The following ARF1 variants were observed in gnomAD, a reference collection of about 807,000 sequenced individuals.
The protein encoded by ARF1 is ARF GTPase 1, also known as ADP-ribosylation factor 1.
In ARF1, 1 loss-of-function variant was observed where a neutral mutation model predicts 18.0. The observed-to-expected ratio is 0.06, with a 90% CI of 0.02 to 0.26. The LOEUF (loss-of-function observed/expected upper bound fraction) is 0.26, where lower values mean the gene tolerates loss of function less well. Among genes scored for constraint, ARF1 ranks in the 10% least tolerant of loss-of-function variants. The pLI is 1.00. For synonymous variants in ARF1, 112 were observed against 96.3 expected (o/e 1.16, Z -0.95); for missense variants, 73 against 247.2 (o/e 0.30, Z 4.73).
intron 1 of ARF1, among the ~76,000 whole-genome samples, chr1:228,094,744 G>A (rs944891139): frequency 1.3e-5 from 2 of 152,188 alleles, no homozygotes; most frequent in Non-Finnish European, 2.9e-5. Flanking sequence ...CAGTTTGGGA[G>A]TTATTTTCAT....
At chr1:228,087,028 G>T (rs535223325) in intron 1 of ARF1, among the ~76,000 whole-genome samples, 14 of 152,318 alleles carry the variant, frequency 9.2e-5, no homozygotes, top group South Asian at 4.1e-4. Flanking sequence ...ATAAGAGTGT[G>T]TGAGAAACTG....
chr1:228,085,570 G>A (rs762236963), intron 1 of ARF1, among the ~76,000 whole-genome samples: 2 of 152,204 alleles, frequency 1.3e-5, no homozygotes, highest in Admixed American at 6.5e-5. Context: ...CTCACACAGT[G>A]GTAACAAGGG....
At chr1:228,084,138 G>C (rs756289880) in intron 1 of ARF1, among the ~76,000 whole-genome samples, 1 of 152,214 alleles carries the variant, frequency 6.6e-6, no homozygotes, top group Non-Finnish European at 1.5e-5. Context: ...TGTTGCGTTA[G>C]CCATTGTCTA....
chr1:228,093,721 G>A (rs777861453), intron 1 of ARF1, among the ~76,000 whole-genome samples: 4 of 151,706 alleles, frequency 2.6e-5, no homozygotes, highest in Non-Finnish European at 5.9e-5. Context: ...TCAGGGGTTC[G>A]AGGCCAGCCC....
rs148364166 is a variant in ARF1, at chr1:228,091,505, T to A, written c.-37-5573T>A. Among the ~76,000 whole-genome samples, 910 of 151,968 alleles carry A rather than the reference T, an allele frequency of 6.0e-3. 11 individuals carry two copies. The highest frequency in any genetic ancestry group is 0.021 in the African/African-American group (880 of 41,414). The stretch of plus-strand genomic sequence containing the variant: ...CTTCAGATGCAGCCCAGAATAAGAG[T>A]TCTAGAATGTGTGTGCCATCCTTTT... On this transcript the variant is annotated intron_variant, in intron 1 of 4. Transcript: ENST00000272102.
chr1:228,096,588 TGGC>T (rs1196256297), intron 1 of ARF1: 1 of 153,360 alleles, frequency 6.5e-6, no homozygotes, highest in Non-Finnish European at 1.5e-5. Context: ...GGGGCAGACA[TGGC>T]GGGCGTGCCC....
At position 228,091,873 on chromosome 1, in the gene ARF1, A is replaced by G. The variant is rs533984626; in HGVS notation, c.-37-5205A>G. ...CTTGTGCAGGTGAGAATAAATGGCC[A>G]TATTGCATTTCATTTTAAGGACTCC... On this transcript the variant is annotated intron_variant, in intron 1 of 4. Coordinates refer to ENST00000272102, the MANE Select transcript of ARF1 (RefSeq NM_001658.4). Among the ~76,000 whole-genome samples the G allele has an allele frequency of 3.9e-5, 6 of 152,288 alleles. No individual in the cohort carries two copies. The East Asian group carries it at 9.6e-4, about 24-fold the overall frequency.
intron 1 of ARF1, chr1:228,090,655 A>G (rs1432664384): frequency 2.0e-5 from 3 of 152,262 alleles, no homozygotes; most frequent in Non-Finnish European, 4.4e-5. Flanking sequence ...CTGCCAGAGT[A>G]GAAATACTGG....
chr1:228,092,777 G>GAGGCATCTGGACCCCAT (rs1246183452), intron 1 of ARF1, among the ~76,000 whole-genome samples: 15 of 152,220 alleles, frequency 9.9e-5, no homozygotes, highest in African/African-American at 3.6e-4. Flanking sequence ...ACAGGCCACA[G>GAGGCATCTGGACCCCAT]AGGCATCTGG....
intron 1 of ARF1, among the ~76,000 whole-genome samples, 189 bp from the exon 2 acceptor site, chr1:228,096,889 C>G (rs998128943): frequency 5.9e-5 from 9 of 152,218 alleles, no homozygotes; most frequent in Non-Finnish European, 1.0e-4. Context: ...CAATTCCTGA[C>G]TCAGCCATTT....
At chr1:228,086,315 A>T (rs1232670172) in intron 1 of ARF1, among the ~76,000 whole-genome samples, 3 of 152,074 alleles carry the variant, frequency 2.0e-5, no homozygotes, top group African/African-American at 7.2e-5. Context: ...GGAGATTGAG[A>T]CCATCCTGGC....
Position 228,098,369 on chromosome 1 carries a change from C to A in ARF1, c.*356C>A. ...GCCGGCCACGCCCTTGGCTTTAGAG[C>A]TGTGTTGAAATCCATTTTGGTGGTT... On this transcript the variant is annotated 3_prime_UTR_variant, in exon 5 of 5. Coordinates refer to ENST00000272102, the MANE Select transcript of ARF1 (RefSeq NM_001658.4). 1 of 181,352 alleles carries A rather than the reference C, an allele frequency of 5.5e-6. No individual in the cohort carries two copies. Among genetic ancestry groups the A allele is most frequent in the Non-Finnish European group, 1.1e-5 (1 of 87,430 alleles). 11.2% of individuals were successfully genotyped at this position (181,352 alleles called of 1,614,324 possible).
rs1179346982 is a variant in ARF1, at chr1:228,097,177, C to T, written c.63C>T (p.Leu21=). The change falls in exon 2 of 5, where the codon CTC becomes CTT. Residue 21 remains leucine (L), a synonymous_variant. Coordinates refer to ENST00000272102, the MANE Select transcript of ARF1 (RefSeq NM_001658.4). This position sits in a 1 kb window ranked among gnomAD's most constrained non-coding sequence, Gnocchi z 8.1. ...TTGGCAAAAAAGAAATGCGCATCCT[C>T]ATGGTGGGCCTGGATGCTGCAGGGA... ...GLFGKKEMRI[L]MVGLDAAGKT... The T allele has an allele frequency of 1.2e-6, 2 of 1,613,782 alleles. No individual in the cohort carries two copies. The highest frequency in any genetic ancestry group is 1.3e-5 in the African/African-American group (1 of 74,930).
chr1:228,083,937 G>T (rs1389339824), intron 1 of ARF1, among the ~76,000 whole-genome samples: 2 of 152,364 alleles, frequency 1.3e-5, no homozygotes, highest in South Asian at 4.1e-4. Context: ...TCGCCGCCTA[G>T]TTGAGAGCTG....
At chr1:228,086,743 G>C (rs74140920) in intron 1 of ARF1, among the ~76,000 whole-genome samples, 2,069 of 152,196 alleles carry the variant, frequency 0.014, 48 homozygotes, top group African/African-American at 0.047. Context: ...TGAAAAACCA[G>C]TAACCTTTAG....
At chr1:228,088,761 C>G (rs1263200926) in intron 1 of ARF1, among the ~76,000 whole-genome samples, 1 of 152,112 alleles carries the variant, frequency 6.6e-6, no homozygotes, top group Admixed American at 6.6e-5. Flanking sequence ...GGTCCTCTAG[C>G]GTGGTTGTGA....
At chr1:228,091,238 GACAA>G (rs1167508995) in intron 1 of ARF1, among the ~76,000 whole-genome samples, 6 of 152,152 alleles carry the variant, frequency 3.9e-5, no homozygotes, top group African/African-American at 7.2e-5. Flanking sequence ...ATTTTAAGCT[GACAA>G]ACAGTGATCT....
chr1:228,092,948 C>G (rs1266147145), intron 1 of ARF1, among the ~76,000 whole-genome samples: 1 of 152,186 alleles, frequency 6.6e-6, no homozygotes, highest in Non-Finnish European at 1.5e-5. Context: ...GGTGTAATGC[C>G]TGAAGGCCAC....
chr1:228,092,425 G>A (rs2032604923), intron 1 of ARF1, among the ~76,000 whole-genome samples: 2 of 152,208 alleles, frequency 1.3e-5, no homozygotes, highest in Admixed American at 6.5e-5. Context: ...TCCAACCTGG[G>A]TGACAGAGTG....
Sources: allele counts gnomAD v4.1 joint callset (sites outside exome capture counted in the v4.1 genomes callset), GRCh38; gene constraint gnomAD v4.1.1; non-coding constraint Gnocchi (gnomAD v3.1); transcripts MANE v1.5; gene names NCBI Gene and HGNC (gene_info 2026-07-23, HGNC 2026-07-21).